ZNF385D: variants seen among roughly 807,000 people sequenced by gnomAD.
ZNF385D encodes zinc finger protein 385D.
In ZNF385D, 15 loss-of-function variants were observed where a neutral mutation model predicts 35.8. The ratio of observed to expected loss-of-function variants is 0.42; its 90% CI spans 0.28 to 0.64. The LOEUF is 0.64. ZNF385D is among the 30% of genes least tolerant of loss of function. ZNF385D has a pLI of 0.23. For missense variants in ZNF385D, 474 were observed against 494.6 expected, an observed-to-expected ratio of 0.96 and a Z score of 0.39; for synonymous variants, 212 against 186.8, an observed-to-expected ratio of 1.13 and a Z score of -1.10.
At chr3:22,300,702 A>T (rs1702853850) in intron 2 of ZNF385D, among the ~76,000 whole-genome samples, 2 of 152,018 alleles carry the variant, frequency 1.3e-5, no homozygotes, top group Admixed American at 1.3e-4. Context: ...CAATATCACT[A>T]ATCACTTGTG....
At chr3:22,270,690 A>G (rs1701128383) in intron 2 of ZNF385D, among the ~76,000 whole-genome samples, 1 of 151,984 alleles carries the variant, frequency 6.6e-6, no homozygotes, top group Admixed American at 6.6e-5. Flanking sequence ...TACAGTAATA[A>G]CCTAGATGAT....
chr3:22,192,124 A>C lies in ZNF385D; in HGVS notation c.107-23089T>G, dbSNP rs560285168. Among the ~76,000 whole-genome samples the C allele has an allele frequency of 2.1e-3, 317 of 152,280 alleles. 3 individuals carry two copies. The highest frequency in any genetic ancestry group is 4.6e-4 in the Non-Finnish European group (31 of 68,026). ...CTGTCCCTAACCTCAGGGTTTAGAA[A>C]CATGGCCCCAAGACTAACAGATTGC... On this transcript the variant is annotated intron_variant, in intron 2 of 5. Transcript: ENST00000494108.
rs909460140 is a variant in ZNF385D at position 22,255,365 on chromosome 3, ATTGT to A, written c.107-86334_107-86331del. Among the ~76,000 whole-genome samples the A allele has an allele frequency of 3.8e-4, 57 of 151,678 alleles. 1 individual carries two copies. Among genetic ancestry groups the A allele is most frequent in the African/African-American group, 1.4e-3 (56 of 41,346 alleles). On this transcript the variant is annotated intron_variant, in intron 2 of 5. Coordinates refer to the ZNF385D transcript ENST00000494108. ...GAAATAATGAACAGACAAATATATTATTGTTTTACTTCTAAGCATATTTTATCCT... is the reference window on the plus strand; with the variant it reads ...GAAATAATGAACAGACAAATATATTATTTACTTCTAAGCATATTTTATCCT...
intron 2 of ZNF385D, among the ~76,000 whole-genome samples, chr3:22,177,827 T>C (rs1173295045): frequency 6.6e-6 from 1 of 152,198 alleles, no homozygotes; most frequent in Non-Finnish European, 1.5e-5. Flanking sequence ...AGTGAGAACA[T>C]ACGGTGGTTG....
chr3:22,106,304 A>T (rs1702209963), intron 3 of ZNF385D, among the ~76,000 whole-genome samples: 1 of 152,150 alleles, frequency 6.6e-6, no homozygotes, highest in Non-Finnish European at 1.5e-5. Context: ...CAACACTTGG[A>T]TGAAGTAAGG....
In ZNF385D at chr3:21,711,039, G is replaced by GTTTT. The variant is rs869252663; in HGVS notation, c.22+39852_22+39855dup. On this transcript the variant is annotated intron_variant, in intron 1 of 7. Coordinates refer to ENST00000281523, the MANE Select transcript of ZNF385D (RefSeq NM_024697.3). ...TCTTAATTTCCTTATCCCTCTAAAA[G>GTTTT]TTTTTTTTTTTTTTTTTTTTGAGAT... Among the ~76,000 whole-genome samples the GTTTT allele has an allele frequency of 2.2e-4, 18 of 83,140 alleles. 1 individual carries two copies. The highest frequency in any genetic ancestry group is 3.6e-4 in the Admixed American group (2 of 5,588). The allele number at this position is 83,140 out of a possible 152,430, so 54.5% of individuals were successfully genotyped here.
chr3:22,175,047 G>GA lies in ZNF385D; in HGVS notation c.107-6013dup, dbSNP rs199728909. 6.6e-3 allele frequency among the ~76,000 whole-genome samples: 999 copies of GA among 151,440 alleles called. 9 individuals are homozygous for GA. The highest frequency in any genetic ancestry group is 0.023 in the African/African-American group (936 of 41,304). On this transcript the variant is annotated intron_variant, in intron 2 of 5. Transcript: ENST00000494108. ...GAGTTCTTAAAATTGCTTTATTATG[G>GA]AAAAAAAGTACTGTATGGGAAGATA... is the stretch of plus-strand genomic sequence containing the variant.
intron 3 of ZNF385D, among the ~76,000 whole-genome samples, chr3:21,905,689 AATATAT>A (rs4044583): frequency 0.046 from 6,807 of 148,550 alleles, 610 homozygotes; most frequent in Admixed American, 0.22. Context: ...CATCTGTGGT[AATATAT>A]ATATATATAT....
At chr3:22,060,642 C>T (rs753541948) in intron 3 of ZNF385D, among the ~76,000 whole-genome samples, 18 of 151,886 alleles carry the variant, frequency 1.2e-4, no homozygotes, top group Admixed American at 2.6e-4. Context: ...ACTTAAAATA[C>T]GTTAACAGCC....
At position 22,153,024 on chromosome 3, in the gene ZNF385D, A is replaced by C. The variant is rs558090557; in HGVS notation, c.325+15793T>G. On this transcript the variant is annotated intron_variant, in intron 3 of 5. Transcript: ENST00000494108. Reference sequence around the variant, plus strand: ...ATGTGCCATGGTGAAAAATAGGGAGATGTTACAAACCATGGCTTTTATTCT... The same window carrying C: ...ATGTGCCATGGTGAAAAATAGGGAGCTGTTACAAACCATGGCTTTTATTCT... Among the ~76,000 whole-genome samples the C allele has an allele frequency of 3.3e-5, 5 of 152,258 alleles. No homozygotes were observed. In the South Asian group the frequency reaches 1.0e-3, roughly 32 times the overall value.
At chr3:22,135,453 T>C (rs967338417) in intron 3 of ZNF385D, among the ~76,000 whole-genome samples, 1 of 152,094 alleles carries the variant, frequency 6.6e-6, no homozygotes, top group African/African-American at 2.4e-5. Flanking sequence ...AATCTAACAC[T>C]CCAGGCACTG....
chr3:21,436,961 G>A lies in ZNF385D; in HGVS notation c.673+9C>T, dbSNP rs371456217. On this transcript the variant is annotated intron_variant, in intron 5 of 7. Coordinates refer to ENST00000281523, the MANE Select transcript of ZNF385D (RefSeq NM_024697.3). ...CTGTTGAAACAAAAAAGAAATCGCT[G>A]CATCTCACCACTGTTGTGCGCCTCC... 18 of 1,609,946 alleles carry A rather than the reference G, an allele frequency of 1.1e-5. No individual in the cohort carries two copies. The African/African-American group carries it at 2.4e-4, about 22-fold the overall frequency.
chr3:22,060,597 A>G (rs914183703), intron 3 of ZNF385D, among the ~76,000 whole-genome samples: 3 of 152,184 alleles, frequency 2.0e-5, no homozygotes, highest in Non-Finnish European at 4.4e-5. Flanking sequence ...CACATTTCCA[A>G]AACTTATTTC....
chr3:22,146,184 A>T (rs1704841889), intron 3 of ZNF385D, among the ~76,000 whole-genome samples: 1 of 152,224 alleles, frequency 6.6e-6, no homozygotes, highest in Non-Finnish European at 1.5e-5. Flanking sequence ...CTACTAAAAA[A>T]GTAGCAAAGT....
intron 3 of ZNF385D, among the ~76,000 whole-genome samples, chr3:21,919,901 T>C (rs1305679469): frequency 6.6e-6 from 1 of 152,218 alleles, no homozygotes; most frequent in Non-Finnish European, 1.5e-5. Context: ...CTCTGCCACA[T>C]TTCTAGACAA....
intron 4 of ZNF385D, among the ~76,000 whole-genome samples, chr3:21,444,997 G>T (rs916051612): frequency 1.3e-5 from 2 of 152,134 alleles, no homozygotes; most frequent in Admixed American, 6.6e-5. Context: ...AGGAAAGTTG[G>T]ACCATGAAGG....
In ZNF385D at chr3:21,724,775, A is replaced by G. The variant is rs1034704879; in HGVS notation, c.22+26120T>C. 5.3e-5 allele frequency among the ~76,000 whole-genome samples: 8 copies of G among 152,172 alleles called. No homozygotes were observed. In the South Asian group the frequency reaches 1.7e-3, roughly 32 times the overall value. On this transcript the variant is annotated intron_variant, in intron 1 of 7. Transcript: ENST00000281523. ...CACTGTCAATATTAGACAGATCAACAAGACAGAAAGTTAACAAGGATATTC... is the reference window on the plus strand; with the variant it reads ...CACTGTCAATATTAGACAGATCAACGAGACAGAAAGTTAACAAGGATATTC...
intron 2 of ZNF385D, among the ~76,000 whole-genome samples, chr3:21,587,936 G>A (rs895281006): frequency 6.6e-6 from 1 of 152,096 alleles, no homozygotes; most frequent in Non-Finnish European, 1.5e-5. Flanking sequence ...AATTTTTGAA[G>A]GTTTTTAAAA....
intron 3 of ZNF385D, among the ~76,000 whole-genome samples, chr3:21,773,906 A>T (rs563395882): frequency 3.9e-5 from 6 of 152,146 alleles, no homozygotes; most frequent in African/African-American, 1.4e-4. Context: ...TGACCCAGCA[A>T]TCACATTACT....
Sources: allele counts gnomAD v4.1 joint callset (sites outside exome capture counted in the v4.1 genomes callset), GRCh38; gene constraint gnomAD v4.1.1; transcripts MANE v1.5; gene names NCBI Gene and HGNC (gene_info 2026-07-23, HGNC 2026-07-21).